The following NNT variants were observed in gnomAD, a reference collection of about 807,000 sequenced individuals.
NNT encodes the protein NAD(P) transhydrogenase, mitochondrial.
Under a neutral mutation model 104.8 loss-of-function variants are expected in NNT, and 50 were observed. The ratio of observed to expected loss-of-function variants is 0.48; its 90% CI spans 0.38 to 0.60. The LOEUF (loss-of-function observed/expected upper bound fraction) is 0.60. Among genes scored for constraint, NNT ranks in the 20% least tolerant of loss-of-function variants. The pLI, the probability that NNT is intolerant of heterozygous loss-of-function variation, is 0.00. For missense variants in NNT, 1,131 were observed against 1,330.7 expected, an observed-to-expected ratio of 0.85 and a Z score of 2.33; for synonymous variants, 461 against 490.4, an observed-to-expected ratio of 0.94 and a Z score of 0.79.
intron 20 of NNT, among the ~76,000 whole-genome samples, chr5:43,700,854 G>A (rs1207207114): frequency 1.3e-5 from 2 of 152,136 alleles, no homozygotes; most frequent in South Asian, 2.1e-4. Flanking sequence ...ACTTAAAAAA[G>A]GCTGTTTATT....
intron 18 of NNT, among the ~76,000 whole-genome samples, chr5:43,677,254 G>A (rs983318233): frequency 6.6e-6 from 1 of 152,104 alleles, no homozygotes; most frequent in African/African-American, 2.4e-5. Flanking sequence ...GAGGGGCAAA[G>A]TTAAAGCCCT....
intron 13 of NNT, among the ~76,000 whole-genome samples, chr5:43,652,493 A>G (rs16873443): frequency 0.034 from 5,148 of 150,754 alleles, 134 homozygotes; most frequent in East Asian, 0.12. Context: ...AGTTTCTTCT[A>G]TGTTTCCAAC....
chr5:43,674,267 G>C (rs956717501), intron 17 of NNT, among the ~76,000 whole-genome samples: 1 of 152,078 alleles, frequency 6.6e-6, no homozygotes. Flanking sequence ...TTAAAGTATG[G>C]CTTCTTGCTT....
intron 7 of NNT, 90 bp from the exon 8 acceptor site, chr5:43,644,101 TC>T (rs1463153199): frequency 1.6e-6 from 2 of 1,233,426 alleles, no homozygotes; most frequent in Non-Finnish European, 2.3e-6. Context: ...GATGTTAAAT[TC>T]CTGAATGCCC....
At chr5:43,624,353 C>T (rs1365029331) in intron 6 of NNT, among the ~76,000 whole-genome samples, 3 of 152,170 alleles carry the variant, frequency 2.0e-5, no homozygotes, top group Admixed American at 1.3e-4. Flanking sequence ...GACCAGAATT[C>T]TTTCTATCCT....
chr5:43,693,979 A>T (rs1322583854), intron 19 of NNT, among the ~76,000 whole-genome samples: 19 of 152,218 alleles, frequency 1.2e-4, no homozygotes. Context: ...CTAATAAAAA[A>T]TACCTATTTA....
chr5:43,654,048 A>G (rs909562172), intron 14 of NNT, among the ~76,000 whole-genome samples: 18 of 152,214 alleles, frequency 1.2e-4, no homozygotes, highest in Non-Finnish European at 2.1e-4. Flanking sequence ...ACTTAAATGA[A>G]TCAGAAACAA....
At position 43,676,753 on chromosome 5, in the gene NNT, A is replaced by G. The variant is rs17247692; in HGVS notation, c.2795-972A>G. Reference sequence around the variant, plus strand: ...AGTGATTAAGTCAGATAGGTAGATCAGTAATGCAAGGTGGGTTATGATAAG... The same window carrying G: ...AGTGATTAAGTCAGATAGGTAGATCGGTAATGCAAGGTGGGTTATGATAAG... On this transcript the variant is annotated intron_variant, in intron 18 of 21. Transcript: ENST00000344920. 6.3e-3 allele frequency among the ~76,000 whole-genome samples: 955 copies of G among 152,296 alleles called. 3 individuals are homozygous for G. The highest frequency in any genetic ancestry group is 0.011 in the Non-Finnish European group (778 of 68,016).
At chr5:43,636,871 T>C (rs11747356) in intron 7 of NNT, among the ~76,000 whole-genome samples, 5 of 152,204 alleles carry the variant, frequency 3.3e-5, no homozygotes, top group Non-Finnish European at 7.4e-5. Context: ...ACATGTTCTT[T>C]AATTATGAGG....
At chr5:43,628,587 GA>G (rs1484608683) in intron 7 of NNT, among the ~76,000 whole-genome samples, 200 bp downstream of exon 7, 1 of 151,912 alleles carries the variant, frequency 6.6e-6, no homozygotes, top group African/African-American at 2.4e-5. Flanking sequence ...TTTTTTCTGT[GA>G]AAAAATTTTT....
chr5:43,661,514 C>T (rs1740355098), intron 17 of NNT, among the ~76,000 whole-genome samples: 1 of 150,734 alleles, frequency 6.6e-6, no homozygotes, highest in Non-Finnish European at 1.5e-5. Flanking sequence ...CACCCACTAA[C>T]TCGTCATCTA....
chr5:43,615,858 C>G lies in NNT; in HGVS notation c.392C>G (p.Pro131Arg). The change falls in exon 4 of 22, where the codon CCT (proline) becomes CGT (arginine). Residue 131 changes from proline (P) to arginine (R), a missense_variant. Coordinates refer to ENST00000344920, the MANE Select transcript of NNT (RefSeq NM_182977.3). ...TGATTTTTTCCCCAGGTGCGAGCCC[C>G]TATGGTTAATCCAACATTAGGTGTT... is the stretch of plus-strand genomic sequence containing the variant. ...ASDLVVKVRA[P>R]MVNPTLGVHE... The G allele has an allele frequency of 6.2e-7, 1 of 1,613,368 alleles. No individual in the cohort carries two copies. Among genetic ancestry groups the G allele is most frequent in the Non-Finnish European group, 8.5e-7 (1 of 1,179,722 alleles).
intron 3 of NNT, among the ~76,000 whole-genome samples, chr5:43,613,892 T>C (rs1266676571): frequency 1.3e-5 from 2 of 152,196 alleles, no homozygotes; most frequent in Non-Finnish European, 2.9e-5. Flanking sequence ...ACATAGTTTT[T>C]TTATTTCCTT....
At chr5:43,665,436 C>G (rs1441263686) in intron 17 of NNT, among the ~76,000 whole-genome samples, 9 of 151,806 alleles carry the variant, frequency 5.9e-5, no homozygotes, top group Admixed American at 5.9e-4. Flanking sequence ...GGTGATGACT[C>G]TTAACGAGCA....
intron 1 of NNT, 114 bp downstream of exon 1, chr5:43,603,408 T>C (rs1749036831): frequency 6.6e-6 from 1 of 152,510 alleles, no homozygotes; most frequent in Admixed American, 6.6e-5. Context: ...GAGAGAGACC[T>C]GTCAAAGAGC....
chr5:43,659,359 C>A lies in NNT; in HGVS notation c.2634+9C>A, dbSNP rs1740233621. On this transcript the variant is annotated intron_variant, in intron 17 of 21. Transcript: ENST00000344920. ...CATACATCATGTGTGTGGTAAGAAA[C>A]AACACATACATGAAACAAAAGGAAA... is the stretch of plus-strand genomic sequence containing the variant. The A allele has an allele frequency of 1.3e-6, 2 of 1,593,862 alleles. No homozygotes were observed. Among genetic ancestry groups the A allele is most frequent in the African/African-American group, 1.4e-5 (1 of 74,072 alleles).
At chr5:43,670,993 A>T (rs887938263) in intron 17 of NNT, among the ~76,000 whole-genome samples, 5 of 152,158 alleles carry the variant, frequency 3.3e-5, no homozygotes, top group Non-Finnish European at 7.3e-5. Flanking sequence ...TATATTTAGG[A>T]TAGTTAGCTC....
rs562374279 is a variant in NNT at position 43,675,417 on chromosome 5, T to A, written c.2635-94T>A. The A allele has an allele frequency of 7.8e-6, 9 of 1,156,110 alleles. No homozygotes were observed. The African/African-American group carries it at 1.3e-4, about 16-fold the overall frequency. 71.6% of individuals were successfully genotyped at this position (1,156,110 alleles called of 1,614,324 possible). A position where few individuals can be genotyped will look rare whatever the true frequency, so the allele number is the denominator to read the frequency against. On this transcript the variant is annotated intron_variant, in intron 17 of 21. Transcript: ENST00000344920. ...GTTTTAAATGATCAAATAAACCTTT[T>A]AAAATGATTCCAAATATCATATACA... is the stretch of plus-strand genomic sequence containing the variant.
intron 19 of NNT, among the ~76,000 whole-genome samples, chr5:43,686,566 ATTAGAAAAGCAACCC>A (rs1361349626): frequency 1.3e-5 from 2 of 152,134 alleles, no homozygotes; most frequent in African/African-American, 4.8e-5. Flanking sequence ...CAAGATAAAA[ATTAGAAAAGCAACCC>A]AGTAAGTGTT....
Sources: allele counts gnomAD v4.1 joint callset (sites outside exome capture counted in the v4.1 genomes callset), GRCh38; gene constraint gnomAD v4.1.1; transcripts MANE v1.5; gene names NCBI Gene and HGNC (gene_info 2026-07-23, HGNC 2026-07-21).